KIAA0825: variants seen among roughly 807,000 people sequenced by gnomAD.
KIAA0825 encodes uncharacterized protein KIAA0825.
In KIAA0825, 119 loss-of-function variants were observed where a neutral mutation model predicts 147.6. The observed-to-expected ratio is 0.81, with a 90% confidence interval of 0.69 to 0.94. KIAA0825 has a LOEUF of 0.94. KIAA0825 is among the 40% of genes least tolerant of loss of function. The pLI is 0.00. For synonymous variants in KIAA0825, 470 were observed against 518.1 expected, an observed-to-expected ratio of 0.91 and a Z score of 1.26; for missense variants, 1,381 against 1,472.7, an observed-to-expected ratio of 0.94 and a Z score of 1.02.
At chr5:94,247,223 A>G (rs1284297540) in intron 20 of KIAA0825, among the ~76,000 whole-genome samples, 1 of 152,144 alleles carries the variant, frequency 6.6e-6, no homozygotes, top group Non-Finnish European at 1.5e-5. Flanking sequence ...TGAATGTGGT[A>G]GTTTATGATG....
intron 20 of KIAA0825, among the ~76,000 whole-genome samples, chr5:94,245,064 A>T (rs1205014734): frequency 2.6e-5 from 4 of 152,334 alleles, no homozygotes; most frequent in South Asian, 4.1e-4. Context: ...TATCTTTTAC[A>T]TGAAATACTG....
At chr5:94,194,326 C>T (rs1169873341) in intron 20 of KIAA0825, among the ~76,000 whole-genome samples, 1 of 152,094 alleles carries the variant, frequency 6.6e-6, no homozygotes, top group East Asian at 1.9e-4. Context: ...GCCTTCCATT[C>T]TATGACAGTG....
chr5:94,347,165 A>T (rs1783095391), intron 20 of KIAA0825, among the ~76,000 whole-genome samples: 1 of 152,096 alleles, frequency 6.6e-6, no homozygotes, highest in African/African-American at 2.4e-5. Flanking sequence ...CCCACCTAAG[A>T]AGAGTCTCAG....
intron 2 of KIAA0825, among the ~76,000 whole-genome samples, chr5:94,567,003 A>C: frequency 6.6e-6 from 1 of 152,232 alleles, no homozygotes; most frequent in East Asian, 1.9e-4. Context: ...TAAGTGCTGC[A>C]AAACCATAAC....
chr5:94,282,808 GA>G lies in KIAA0825; in HGVS notation c.3710+101559del, dbSNP rs545008776. On this transcript the variant is annotated intron_variant, in intron 20 of 20. Coordinates refer to ENST00000682413, the MANE Select transcript of KIAA0825 (RefSeq NM_001145678.3). The stretch of plus-strand genomic sequence containing the variant: ...TTTGACTTTAATTTTCAGATATACA[GA>G]AAGCCAATTTCAGGGTATACAATAG... Among the ~76,000 whole-genome samples, 62 of 151,988 alleles carry G rather than the reference GA, an allele frequency of 4.1e-4. No homozygotes were observed. In the East Asian group the frequency reaches 0.011, roughly 28 times the overall value.
chr5:94,267,166 C>T (rs908688973), intron 20 of KIAA0825, among the ~76,000 whole-genome samples: 3 of 152,072 alleles, frequency 2.0e-5, no homozygotes, highest in African/African-American at 7.2e-5. Flanking sequence ...ATGAGGTGTT[C>T]CACTGGAGAC....
At chr5:94,414,845 C>T (rs1420432124) in intron 15 of KIAA0825, 3 of 152,222 alleles carry the variant, frequency 2.0e-5, no homozygotes, top group Non-Finnish European at 4.4e-5. Flanking sequence ...ATGTTAGATT[C>T]TCATAGGAGC....
At chr5:94,614,268 A>T (rs542929300) in intron 1 of KIAA0825, among the ~76,000 whole-genome samples, 1 of 152,228 alleles carries the variant, frequency 6.6e-6, no homozygotes, top group Non-Finnish European at 1.5e-5. Flanking sequence ...GAGAAAAATC[A>T]TAAGTTATTT....
chr5:94,354,408 T>C (rs567408895), intron 20 of KIAA0825, among the ~76,000 whole-genome samples: 2 of 152,230 alleles, frequency 1.3e-5, no homozygotes, highest in Middle Eastern at 6.8e-3. Context: ...TATAATTTAA[T>C]AGTATTTTGG....
chr5:94,583,262 C>T (rs1374382973), intron 1 of KIAA0825, among the ~76,000 whole-genome samples: 1 of 152,164 alleles, frequency 6.6e-6, no homozygotes, highest in Admixed American at 6.5e-5. Flanking sequence ...CAAGGGAAGC[C>T]GTGAGTGTCT....
intron 5 of KIAA0825, among the ~76,000 whole-genome samples, chr5:94,498,568 T>C (rs556476379): frequency 1.3e-5 from 2 of 152,374 alleles, no homozygotes; most frequent in African/African-American, 4.8e-5. Context: ...CTTTCTTCTA[T>C]TGTGTAATCT....
At chr5:94,594,586 C>T (rs1157044494) in intron 1 of KIAA0825, 3 of 702,836 alleles carry the variant, frequency 4.3e-6, no homozygotes, top group African/African-American at 1.8e-5. Flanking sequence ...GAAAGGATTG[C>T]TTTGGAATTT....
rs6870598 is a variant in KIAA0825, at chr5:94,426,435, C to T, written c.2498-9070G>A. ...ATGGATGGAACTGGTCATTATTTTA[C>T]GTGAAATAAGTTAGGCACAGGAAGA... On this transcript the variant is annotated intron_variant, in intron 14 of 20. Transcript: ENST00000682413. Among the ~76,000 whole-genome samples the T allele has an allele frequency of 2.2e-3, 342 of 152,104 alleles. 4 individuals carry two copies. Among genetic ancestry groups the T allele is most frequent in the African/African-American group, 7.8e-3 (322 of 41,508 alleles).
chr5:94,385,297 T>C (rs1748987558), intron 19 of KIAA0825, among the ~76,000 whole-genome samples: 1 of 152,196 alleles, frequency 6.6e-6, no homozygotes, highest in Admixed American at 6.5e-5. Flanking sequence ...CTATCCCCTG[T>C]CACCTGCTGA....
intron 6 of KIAA0825, 48 bp downstream of exon 6, chr5:94,484,721 A>C (rs1298310950): frequency 7.7e-7 from 1 of 1,296,302 alleles, no homozygotes; most frequent in Non-Finnish European, 1.0e-6. Context: ...GGAAGCAAAA[A>C]CACAGAGAAA....
chr5:94,354,015 C>A (rs1240961546), intron 20 of KIAA0825, among the ~76,000 whole-genome samples: 1 of 152,086 alleles, frequency 6.6e-6, no homozygotes, highest in East Asian at 1.9e-4. Flanking sequence ...AGTAATACAG[C>A]AAATTCTCAG....
chr5:94,217,106 G>A (rs1344730019), intron 20 of KIAA0825, among the ~76,000 whole-genome samples: 1 of 152,044 alleles, frequency 6.6e-6, no homozygotes, highest in Admixed American at 6.6e-5. Flanking sequence ...TATACATGTA[G>A]GAGTTGAGTA....
At chr5:94,304,175 G>C (rs1479690082) in intron 20 of KIAA0825, among the ~76,000 whole-genome samples, 1 of 152,044 alleles carries the variant, frequency 6.6e-6, no homozygotes, top group Non-Finnish European at 1.5e-5. Flanking sequence ...GGAATACTGG[G>C]CTAGAAATGA....
intron 20 of KIAA0825, among the ~76,000 whole-genome samples, chr5:94,381,413 CA>C (rs1263504398): frequency 6.6e-6 from 1 of 152,174 alleles, no homozygotes; most frequent in Non-Finnish European, 1.5e-5. Context: ...GCAAAACTTG[CA>C]TTTGTTGCAT....
Sources: gnomAD v4.1 joint callset for allele counts (sites outside exome capture counted in the v4.1 genomes callset) on GRCh38, gnomAD v4.1.1 for gene constraint, MANE v1.5 for transcripts, NCBI Gene and HGNC (gene_info 2026-07-23, HGNC 2026-07-21) for gene names.